The following PLXDC1 variants were observed in gnomAD, a reference collection of about 807,000 sequenced individuals.
PLXDC1 encodes plexin domain containing 1.
PLXDC1 carries 39 observed loss-of-function variants against 61.3 expected under a neutral mutation model. The observed-to-expected ratio is 0.64, with a 90% CI of 0.49 to 0.83. The LOEUF is 0.83. Ranked by LOEUF, PLXDC1 falls within the 40% of genes least tolerant of loss-of-function variation. The pLI, the probability that PLXDC1 is intolerant of heterozygous loss-of-function variation, is 0.00. For missense variants in PLXDC1, 596 were observed against 666.5 expected (o/e 0.89, Z 1.17); for synonymous variants, 212 against 254.5 (o/e 0.83, Z 1.59).
intron 11 of PLXDC1, among the ~76,000 whole-genome samples, chr17:39,074,479 A>C (rs540025150): frequency 6.6e-6 from 1 of 152,216 alleles, no homozygotes. Flanking sequence ...TACACAAAAC[A>C]TGGAAATGAG....
At chr17:39,086,405 T>G (rs759786686) in intron 8 of PLXDC1, among the ~76,000 whole-genome samples, 5 of 152,216 alleles carry the variant, frequency 3.3e-5, no homozygotes, top group Non-Finnish European at 7.3e-5. Context: ...GCCTAGCATT[T>G]GAGAAGATCC....
intron 7 of PLXDC1, among the ~76,000 whole-genome samples, chr17:39,090,671 A>G (rs1463873504): frequency 6.6e-6 from 1 of 152,160 alleles, no homozygotes; most frequent in Non-Finnish European, 1.5e-5. Flanking sequence ...CTCAACGCAC[A>G]AGGACCCCAG....
intron 1 of PLXDC1, 92 bp from the exon 2 acceptor site, chr17:39,139,924 A>C: frequency 4.1e-6 from 5 of 1,223,138 alleles, no homozygotes; most frequent in Non-Finnish European, 3.4e-6. Context: ...GGGCCCCAAC[A>C]CCATGCCACT....
chr17:39,090,617 G>T (rs1259060776), intron 7 of PLXDC1, among the ~76,000 whole-genome samples: 2 of 152,202 alleles, frequency 1.3e-5, no homozygotes, highest in Non-Finnish European at 2.9e-5. Flanking sequence ...CATGGGGCTG[G>T]TGATGCCATG....
chr17:39,083,628 A>G (rs1244299659), intron 8 of PLXDC1, 88 bp from the exon 9 acceptor site: 3 of 994,260 alleles, frequency 3.0e-6, no homozygotes, highest in Non-Finnish European at 3.1e-6. Flanking sequence ...TATTTACAGA[A>G]CTATGGAGCC....
Position 39,101,800 on chromosome 17 carries a change from C to T in PLXDC1, c.811+4054G>A, listed in dbSNP as rs144771231. 5.8e-4 allele frequency among the ~76,000 whole-genome samples: 89 copies of T among 152,258 alleles called. 1 individual carries two copies. Among genetic ancestry groups the T allele is most frequent in the African/African-American group, 2.0e-3 (85 of 41,552 alleles). On this transcript the variant is annotated intron_variant, in intron 7 of 13. Coordinates refer to ENST00000315392, the MANE Select transcript of PLXDC1 (RefSeq NM_020405.5). ...TAGCATATGCAAATCAGATGCCCCTCCACTCCGATGCCCTGCCCTCTGCCA... is the reference window on the plus strand; with the variant it reads ...TAGCATATGCAAATCAGATGCCCCTTCACTCCGATGCCCTGCCCTCTGCCA...
chr17:39,111,036 A>C (rs2095360780), intron 2 of PLXDC1, among the ~76,000 whole-genome samples: 1 of 151,922 alleles, frequency 6.6e-6, no homozygotes, highest in South Asian at 2.1e-4. Flanking sequence ...CGAGACGAAA[A>C]CCAAAGCTCT....
intron 6 of PLXDC1, among the ~76,000 whole-genome samples, chr17:39,106,625 C>T (rs1910598015): frequency 1.3e-5 from 2 of 150,298 alleles, no homozygotes; most frequent in African/African-American, 4.9e-5. Context: ...ATCATGCTGC[C>T]TTCTTTTTTC....
rs140539408 is a variant in PLXDC1 at position 39,133,326 on chromosome 17, G to A, written c.255+6328C>T. ...GTATGGAGCCACCTGAGTCTCGGGC[G>A]TGTGCAGACACCCTGGTGTGTGTAA... On this transcript the variant is annotated intron_variant, in intron 2 of 13. Transcript: ENST00000315392. 2.7e-3 allele frequency among the ~76,000 whole-genome samples: 413 copies of A among 152,260 alleles called. 1 individual carries two copies. Among genetic ancestry groups the A allele is most frequent in the African/African-American group, 9.6e-3 (398 of 41,538 alleles).
At chr17:39,086,293 A>G (rs1909738099) in intron 8 of PLXDC1, among the ~76,000 whole-genome samples, 1 of 150,888 alleles carries the variant, frequency 6.6e-6, no homozygotes, top group Admixed American at 6.6e-5. Context: ...AAAGTGTCCC[A>G]GCCCTGTGAC....
At chr17:39,079,322 G>A (rs1190080335) in intron 9 of PLXDC1, 158 bp from the exon 10 acceptor site, 2 of 664,494 alleles carry the variant, frequency 3.0e-6, no homozygotes, top group Admixed American at 2.1e-5. Flanking sequence ...TTCCCCGGAA[G>A]ATGAAGGTAT....
intron 2 of PLXDC1, among the ~76,000 whole-genome samples, chr17:39,123,670 C>A (rs546663245): frequency 1.3e-5 from 2 of 152,302 alleles, no homozygotes; most frequent in Non-Finnish European, 2.9e-5. Context: ...AAAGCAACCC[C>A]CAGCTCCATC....
At chr17:39,084,339 A>G (rs1030817787) in intron 8 of PLXDC1, among the ~76,000 whole-genome samples, 1 of 152,234 alleles carries the variant, frequency 6.6e-6, no homozygotes. Context: ...TCTTGCCACA[A>G]GAACAAAAAA....
At chr17:39,088,989 GAAA>G (rs1567757415) in intron 7 of PLXDC1, among the ~76,000 whole-genome samples, 2 of 125,362 alleles carry the variant, frequency 1.6e-5, no homozygotes, top group East Asian at 4.3e-4. Context: ...AAGAAAGAAA[GAAA>G]GAAAGAGAAA....
upstream of PLXDC1, chr17:39,152,770 T>TA (rs34433195): frequency 0.07 from 45,151 of 642,112 alleles, 821 homozygotes; most frequent in African/African-American, 0.15. Context: ...GCACTGAGGT[T>TA]AAAAAAAAAA....
intron 13 of PLXDC1, among the ~76,000 whole-genome samples, chr17:39,068,587 G>C (rs936393130): frequency 3.9e-5 from 6 of 152,220 alleles, no homozygotes; most frequent in Non-Finnish European, 7.3e-5. Context: ...TGAGGCACCA[G>C]AATTGCTTGA....
chr17:39,067,975 A>G lies in PLXDC1; in HGVS notation c.1384-16T>C. On this transcript the variant is annotated splice_polypyrimidine_tract_variant and intron_variant, in intron 13 of 13. Transcript: ENST00000315392. ...GAGGTCTACGCTGCAGAAGGCACAG[A>G]GGCAAAGTCAGTGGGCATGCCCCCG... The G allele has an allele frequency of 2.5e-6, 4 of 1,612,672 alleles. No individual in the cohort carries two copies. Among genetic ancestry groups the G allele is most frequent in the Non-Finnish European group, 3.4e-6 (4 of 1,179,370 alleles).
intron 2 of PLXDC1, among the ~76,000 whole-genome samples, chr17:39,121,834 G>A (rs942614231): frequency 6.6e-6 from 1 of 152,098 alleles, no homozygotes; most frequent in Non-Finnish European, 1.5e-5. Flanking sequence ...TGGGTGACCG[G>A]GTCCGGAGGC....
At chr17:39,129,228 G>A (rs1911452422) in intron 2 of PLXDC1, among the ~76,000 whole-genome samples, 1 of 151,090 alleles carries the variant, frequency 6.6e-6, no homozygotes, top group Admixed American at 6.6e-5. Context: ...TGAGGCACAA[G>A]AATTGCTTGA....
Sources: gnomAD v4.1 joint callset for allele counts (sites outside exome capture counted in the v4.1 genomes callset) on GRCh38, gnomAD v4.1.1 for gene constraint, MANE v1.5 for transcripts, NCBI Gene and HGNC (gene_info 2026-07-23, HGNC 2026-07-21) for gene names.